DOK6: variants seen among roughly 807,000 people sequenced by gnomAD.
DOK6 encodes docking protein 6.
DOK6 carries 22 observed loss-of-function variants against 44.0 expected under a neutral mutation model. The observed-to-expected ratio is 0.50, with a 90% CI of 0.36 to 0.71. The LOEUF is 0.71. Among genes scored for constraint, DOK6 ranks in the 30% least tolerant of loss-of-function variants. The pLI is 0.00. For missense variants in DOK6, 340 were observed against 416.4 expected, an observed-to-expected ratio of 0.82 and a Z score of 1.60; for synonymous variants, 166 against 145.5, an observed-to-expected ratio of 1.14 and a Z score of -1.01.
At chr18:69,785,105 C>T (rs1309128998) in intron 7 of DOK6, among the ~76,000 whole-genome samples, 1 of 152,152 alleles carries the variant, frequency 6.6e-6, no homozygotes, top group Non-Finnish European at 1.5e-5. Context: ...ATATAGGACA[C>T]ATAATTCAGC....
At chr18:69,704,495 T>TTG (rs71178804) in intron 5 of DOK6, among the ~76,000 whole-genome samples, 1 of 140,010 alleles carries the variant, frequency 7.1e-6, no homozygotes, top group Non-Finnish European at 1.5e-5. Context: ...TTTTTTTTTT[T>TTG]GGAGACGGAG....
intron 1 of DOK6, among the ~76,000 whole-genome samples, chr18:69,506,740 T>A (rs1163870994): frequency 6.6e-6 from 1 of 152,022 alleles, no homozygotes; most frequent in African/African-American, 2.4e-5. Context: ...ATATTTTAAT[T>A]TTCTTGATAA....
At chr18:69,831,482 T>C (rs562199179) in intron 7 of DOK6, among the ~76,000 whole-genome samples, 1 of 152,134 alleles carries the variant, frequency 6.6e-6, no homozygotes, top group South Asian at 2.1e-4. Context: ...CTGTACAGAG[T>C]TGATATGAGG....
chr18:69,812,309 T>C (rs975506242), intron 7 of DOK6, among the ~76,000 whole-genome samples: 2 of 152,176 alleles, frequency 1.3e-5, no homozygotes, highest in African/African-American at 4.8e-5. Flanking sequence ...TTCCAGTTAA[T>C]AGGGAATATA....
chr18:69,669,674 C>G (rs921113523), intron 3 of DOK6, among the ~76,000 whole-genome samples: 4 of 152,270 alleles, frequency 2.6e-5, no homozygotes, highest in South Asian at 2.1e-4. Flanking sequence ...TCCCGCACCC[C>G]CCCGCCGACC....
intron 1 of DOK6, among the ~76,000 whole-genome samples, chr18:69,419,335 A>T (rs1978421578): frequency 6.6e-6 from 1 of 152,184 alleles, no homozygotes; most frequent in Admixed American, 6.5e-5. Flanking sequence ...TTAAATGACA[A>T]TAAAAGTGTG....
intron 3 of DOK6, among the ~76,000 whole-genome samples, chr18:69,601,298 T>C (rs1983867890): frequency 6.6e-6 from 1 of 152,208 alleles, no homozygotes; most frequent in African/African-American, 2.4e-5. Context: ...ACTTAGAGCA[T>C]TTTAATAGAA....
intron 3 of DOK6, among the ~76,000 whole-genome samples, chr18:69,664,377 A>G (rs1442879146): frequency 3.3e-5 from 5 of 152,218 alleles, no homozygotes; most frequent in Admixed American, 6.5e-5. Context: ...GAGCTGTACA[A>G]TACTTCATAT....
At chr18:69,839,645 T>G (rs779238707) in intron 7 of DOK6, among the ~76,000 whole-genome samples, 2 of 152,210 alleles carry the variant, frequency 1.3e-5, no homozygotes, top group African/African-American at 2.4e-5. Context: ...AATGCAGACA[T>G]GCGCAACAGC....
At chr18:69,768,013 G>A (rs560176816) in intron 7 of DOK6, among the ~76,000 whole-genome samples, 5 of 152,188 alleles carry the variant, frequency 3.3e-5, no homozygotes, top group African/African-American at 1.2e-4. Context: ...AAATTTGGTG[G>A]AAATTAAAAT....
At chr18:69,724,930 G>A (rs939059871) in intron 5 of DOK6, 17 of 152,146 alleles carry the variant, frequency 1.1e-4, no homozygotes, top group African/African-American at 4.1e-4. Flanking sequence ...TTGCTATAAA[G>A]CCCAGTGGCT....
intron 3 of DOK6, among the ~76,000 whole-genome samples, chr18:69,614,314 C>CA (rs1194942540): frequency 2.6e-5 from 4 of 151,728 alleles, no homozygotes; most frequent in African/African-American, 7.2e-5. Context: ...TCCTTGAATT[C>CA]AAAAAAAATC....
At chr18:69,468,539 T>C (rs931693320) in intron 1 of DOK6, among the ~76,000 whole-genome samples, 22 of 152,208 alleles carry the variant, frequency 1.4e-4, no homozygotes, top group Admixed American at 3.3e-4. Flanking sequence ...TTGAGAAGTG[T>C]ATGGCTTGGT....
intron 3 of DOK6, among the ~76,000 whole-genome samples, chr18:69,673,228 G>GTATA (rs1985847137): frequency 9.1e-6 from 1 of 110,328 alleles, no homozygotes; most frequent in South Asian, 2.9e-4. Flanking sequence ...TATTTTCTGT[G>GTATA]TGTATATATA....
intron 1 of DOK6, among the ~76,000 whole-genome samples, chr18:69,504,568 A>T (rs1981131854): frequency 6.6e-6 from 1 of 152,172 alleles, no homozygotes; most frequent in Non-Finnish European, 1.5e-5. Flanking sequence ...CGAATATTAC[A>T]AATGGAAAAA....
At chr18:69,476,295 T>A (rs1458739808) in intron 1 of DOK6, among the ~76,000 whole-genome samples, 1 of 152,222 alleles carries the variant, frequency 6.6e-6, no homozygotes, top group Non-Finnish European at 1.5e-5. Flanking sequence ...TACAGATATA[T>A]GTGAATTTTT....
intron 1 of DOK6, among the ~76,000 whole-genome samples, chr18:69,501,237 A>T (rs934062305): frequency 3.3e-5 from 5 of 152,120 alleles, no homozygotes; most frequent in African/African-American, 1.2e-4. Flanking sequence ...TTATCAGATG[A>T]TCTCAAACAA....
At chr18:69,711,061 C>A (rs949136955) in intron 5 of DOK6, among the ~76,000 whole-genome samples, 1 of 151,680 alleles carries the variant, frequency 6.6e-6, no homozygotes, top group African/African-American at 2.4e-5. Context: ...TAGAGTTAAT[C>A]AACCCTTCAA....
chr18:69,617,753 GGAAA>G, intron 3 of DOK6, among the ~76,000 whole-genome samples: 1 of 77,056 alleles, frequency 1.3e-5, no homozygotes, highest in East Asian at 4.0e-4. Flanking sequence ...AAGGAAGGAA[GGAAA>G]GAAGGAAGGA....
Sources: gnomAD v4.1 joint callset for allele counts (sites outside exome capture counted in the v4.1 genomes callset) on GRCh38, gnomAD v4.1.1 for gene constraint, MANE v1.5 for transcripts, NCBI Gene and HGNC (gene_info 2026-07-23, HGNC 2026-07-21) for gene names.